KLHL29: variants seen among roughly 807,000 people sequenced by gnomAD.
The protein encoded by KLHL29 is kelch like family member 29.
A neutral mutation model predicts 80.4 loss-of-function variants in KLHL29; 21 were observed. That is an observed-to-expected ratio of 0.26 (90% CI 0.19 to 0.38). The LOEUF is 0.38. KLHL29 is among the 10% of genes least tolerant of loss of function. The pLI, the probability that KLHL29 is intolerant of heterozygous loss-of-function variation, is 1.00. For synonymous variants in KLHL29, 511 were observed against 526.8 expected, an observed-to-expected ratio of 0.97 and a Z score of 0.41; for missense variants, 867 against 1,223.9, an observed-to-expected ratio of 0.71 and a Z score of 4.35.
chr2:23,397,032 C>G (rs144786736), intron 1 of KLHL29, among the ~76,000 whole-genome samples: 1 of 152,158 alleles, frequency 6.6e-6, no homozygotes, highest in Admixed American at 6.5e-5. Context: ...AAGGTCTGCT[C>G]TAGTGGCCCC....
intron 11 of KLHL29, among the ~76,000 whole-genome samples, 178 bp from the exon 12 acceptor site, chr2:23,703,008 C>T (rs958333310): frequency 2.6e-5 from 4 of 152,224 alleles, no homozygotes; most frequent in African/African-American, 4.8e-5. Context: ...CTAGTTTGGA[C>T]GAGACCCCAG....
intron 5 of KLHL29, chr2:23,668,629 CGAGGT>C (rs1670620974): frequency 6.6e-6 from 1 of 152,150 alleles, no homozygotes. Context: ...TGGTGGCAGC[CGAGGT>C]GGCCAAGCCC....
chr2:23,661,025 CTG>C (rs939419760), intron 5 of KLHL29, among the ~76,000 whole-genome samples: 1 of 150,592 alleles, frequency 6.6e-6, no homozygotes, highest in Non-Finnish European at 1.5e-5. Flanking sequence ...GAACAAAACT[CTG>C]TTTCAGAAAA....
chr2:23,646,676 C>G (rs1465486674), intron 5 of KLHL29, among the ~76,000 whole-genome samples: 1 of 152,190 alleles, frequency 6.6e-6, no homozygotes, highest in Non-Finnish European at 1.5e-5. Context: ...TCTCCAGCTC[C>G]TCCCTTCCTA....
chr2:23,671,210 T>C (rs1034654316), intron 5 of KLHL29, among the ~76,000 whole-genome samples: 9 of 151,980 alleles, frequency 5.9e-5, no homozygotes, highest in African/African-American at 2.2e-4. Context: ...TATTTATTTA[T>C]TTGCTGGAAC....
chr2:23,602,861 C>G (rs1668608055), intron 3 of KLHL29, among the ~76,000 whole-genome samples: 1 of 152,136 alleles, frequency 6.6e-6, no homozygotes, highest in Non-Finnish European at 1.5e-5. Context: ...CCCAGGGGAG[C>G]CACACCCCAT....
At chr2:23,630,915 A>T (rs1375081302) in intron 3 of KLHL29, among the ~76,000 whole-genome samples, 1 of 152,228 alleles carries the variant, frequency 6.6e-6, no homozygotes, top group Admixed American at 6.5e-5. Context: ...GGCTGTTAGG[A>T]CAGTGGCTGG....
At chr2:23,638,085 TAA>T (rs553356362) in intron 3 of KLHL29, among the ~76,000 whole-genome samples, 10 of 111,570 alleles carry the variant, frequency 9.0e-5, no homozygotes, top group Admixed American at 2.8e-4. Flanking sequence ...ATGGCCATAG[TAA>T]AAAAAAAAAA....
intron 1 of KLHL29, among the ~76,000 whole-genome samples, chr2:23,394,523 G>C (rs1205642337): frequency 6.6e-6 from 1 of 152,198 alleles, no homozygotes; most frequent in Non-Finnish European, 1.5e-5. Flanking sequence ...CCAGGCCTAT[G>C]ATGGGTGCCG....
At chr2:23,388,391 A>G (rs1185427093) in intron 1 of KLHL29, among the ~76,000 whole-genome samples, 1 of 152,208 alleles carries the variant, frequency 6.6e-6, no homozygotes, top group African/African-American at 2.4e-5. Flanking sequence ...CATTTTGCTT[A>G]TAAACTATTA....
chr2:23,437,073 G>A (rs1572511972), intron 1 of KLHL29, among the ~76,000 whole-genome samples: 1 of 152,192 alleles, frequency 6.6e-6, no homozygotes, highest in Non-Finnish European at 1.5e-5. Context: ...CTTTGCTAGG[G>A]TTTAGCTGGG....
At chr2:23,607,463 T>C (rs969906655) in intron 3 of KLHL29, among the ~76,000 whole-genome samples, 11 of 152,238 alleles carry the variant, frequency 7.2e-5, no homozygotes, top group Admixed American at 7.2e-4. Context: ...ATTTTGGTTT[T>C]TTAGTCTTGA....
intron 3 of KLHL29, among the ~76,000 whole-genome samples, chr2:23,631,962 G>C (rs528562963): frequency 6.6e-6 from 1 of 152,272 alleles, no homozygotes; most frequent in Admixed American, 6.5e-5. Flanking sequence ...TTGATCCCCA[G>C]AGTGAGGTCC....
At chr2:23,550,189 C>T (rs1195528865) in intron 2 of KLHL29, among the ~76,000 whole-genome samples, 1 of 152,106 alleles carries the variant, frequency 6.6e-6, no homozygotes, top group Non-Finnish European at 1.5e-5. Flanking sequence ...AGGAGGTGGG[C>T]AGTGAACTTG....
chr2:23,547,389 G>C (rs575538959), intron 2 of KLHL29, among the ~76,000 whole-genome samples: 10 of 152,286 alleles, frequency 6.6e-5, no homozygotes, highest in African/African-American at 2.4e-4. Flanking sequence ...CCAAGAATGT[G>C]ATCATGTTTA....
rs552756898 is a variant in KLHL29 at position 23,596,356 on chromosome 2, G to A, written c.285+33875G>A. Among the ~76,000 whole-genome samples, 14 of 152,224 alleles carry A rather than the reference G, an allele frequency of 9.2e-5. No homozygotes were observed. The South Asian group carries it at 2.7e-3, about 29-fold the overall frequency. ...TCCTCCAGGCTTCAGCTACCAACAC[G>A]CCCCTATGAGTCTCTGTCTCCGAGC... On this transcript the variant is annotated intron_variant, in intron 3 of 13. Coordinates refer to ENST00000486442, the MANE Select transcript of KLHL29 (RefSeq NM_052920.2). The surrounding 1 kb of genome is among the most constrained non-coding windows in gnomAD (Gnocchi z 4.4).
intron 1 of KLHL29, among the ~76,000 whole-genome samples, chr2:23,446,980 A>G (rs1349315633): frequency 1.3e-5 from 2 of 152,200 alleles, no homozygotes; most frequent in Non-Finnish European, 2.9e-5. Flanking sequence ...GCAGAAAAAC[A>G]CCTTTTCTTC....
chr2:23,465,246 C>G (rs1199664138), intron 1 of KLHL29, among the ~76,000 whole-genome samples: 1 of 152,172 alleles, frequency 6.6e-6, no homozygotes, highest in African/African-American at 2.4e-5. Context: ...GTCCTGGCAG[C>G]GTTTGGGTGC....
At chr2:23,412,374 C>T (rs1190117425) in intron 1 of KLHL29, among the ~76,000 whole-genome samples, 1 of 152,190 alleles carries the variant, frequency 6.6e-6, no homozygotes, top group Non-Finnish European at 1.5e-5. Context: ...CCAGCTCTTT[C>T]TGGAATACTC....
Sources: allele counts gnomAD v4.1 joint callset (sites outside exome capture counted in the v4.1 genomes callset), GRCh38; gene constraint gnomAD v4.1.1; non-coding constraint Gnocchi (gnomAD v3.1); transcripts MANE v1.5; gene names NCBI Gene and HGNC (gene_info 2026-07-23, HGNC 2026-07-21).